Variants in SDK1 observed in about 807,000 individuals in gnomAD.
The protein encoded by SDK1 is protein sidekick-1.
Under a neutral mutation model 245.5 loss-of-function variants are expected in SDK1, and 157 were observed. The ratio of observed to expected loss-of-function variants is 0.64; its 90% CI spans 0.56 to 0.73. The LOEUF is 0.73. Ranked by LOEUF, SDK1 falls within the 30% of genes least tolerant of loss-of-function variation. SDK1 has a pLI of 0.00. For synonymous variants in SDK1, 1,647 were observed against 1,278.5 expected (o/e 1.29, Z -6.15); for missense variants, 3,583 against 3,002.3 (o/e 1.19, Z -4.52).
intron 4 of SDK1, among the ~76,000 whole-genome samples, chr7:3,700,573 T>C (rs1437685616): frequency 6.6e-6 from 1 of 152,050 alleles, no homozygotes; most frequent in East Asian, 1.9e-4. Flanking sequence ...ATGCCATAGG[T>C]ATGTCAAAAT....
At position 4,193,954 on chromosome 7, in the gene SDK1, C is replaced by G. The variant is rs144139783; in HGVS notation, c.5099-11925C>G. ...CTCACGAGCGGTGAATCAGGAGCGT[C>G]AAATGCATTTATTTTGCATAACTCT... On this transcript the variant is annotated intron_variant, in intron 35 of 44. Coordinates refer to ENST00000404826, the MANE Select transcript of SDK1 (RefSeq NM_152744.4). 7.5e-3 allele frequency among the ~76,000 whole-genome samples: 1,136 copies of G among 152,266 alleles called. 6 individuals carry two copies. Among genetic ancestry groups the G allele is most frequent in the Non-Finnish European group, 0.013 (853 of 68,008 alleles).
At chr7:3,672,477 AC>A (rs1317317119) in intron 4 of SDK1, among the ~76,000 whole-genome samples, 2 of 150,850 alleles carry the variant, frequency 1.3e-5, no homozygotes, top group Non-Finnish European at 2.9e-5. Context: ...GATAGGACAT[AC>A]AGGCAAAGAA....
intron 1 of SDK1, among the ~76,000 whole-genome samples, chr7:3,491,397 G>A (rs189883410): frequency 6.6e-6 from 1 of 152,332 alleles, no homozygotes. Context: ...CGATGTCAGT[G>A]TTTAGCCAAA....
At chr7:4,184,046 C>A (rs1782743005) in intron 35 of SDK1, among the ~76,000 whole-genome samples, 1 of 152,242 alleles carries the variant, frequency 6.6e-6, no homozygotes, top group Non-Finnish European at 1.5e-5. Context: ...GTTCGCCATT[C>A]CCTTTCTAGC....
intron 44 of SDK1, among the ~76,000 whole-genome samples, chr7:4,257,796 T>C (rs1787721332): frequency 6.6e-6 from 1 of 152,216 alleles, no homozygotes; most frequent in African/African-American, 2.4e-5. Context: ...CCTCCCAGCT[T>C]TCCTCCCCAG....
At chr7:3,443,894 A>G (rs543871971) in intron 1 of SDK1, among the ~76,000 whole-genome samples, 4 of 152,376 alleles carry the variant, frequency 2.6e-5, no homozygotes, top group Non-Finnish European at 5.9e-5. Flanking sequence ...ACAGCAGAAC[A>G]TGATGTCAAT....
intron 1 of SDK1, among the ~76,000 whole-genome samples, chr7:3,595,024 G>A (rs1294396955): frequency 6.6e-6 from 1 of 152,112 alleles, no homozygotes; most frequent in Non-Finnish European, 1.5e-5. Flanking sequence ...AACAAAAATG[G>A]GTGATTGGAA....
Position 4,063,157 on chromosome 7 carries a change from C to G in SDK1, c.2912-4681C>G, listed in dbSNP as rs138360630. Among the ~76,000 whole-genome samples, 7 of 152,276 alleles carry G rather than the reference C, an allele frequency of 4.6e-5. No homozygotes were observed. The East Asian group carries it at 1.3e-3, about 29-fold the overall frequency. ...GCATCTAAATTGGAAAAGAGGAAGT[C>G]AGATTGTTCTCTTTGCAGATGACAT... On this transcript the variant is annotated intron_variant, in intron 19 of 44. Transcript: ENST00000404826.
intron 31 of SDK1, among the ~76,000 whole-genome samples, chr7:4,160,374 G>GA (rs1314390911): frequency 6.6e-6 from 1 of 151,914 alleles, no homozygotes; most frequent in Non-Finnish European, 1.5e-5. Context: ...GACCATTTTT[G>GA]AAAAAAATAT....
At chr7:3,998,798 G>A (rs564398956) in intron 14 of SDK1, among the ~76,000 whole-genome samples, 2 of 152,172 alleles carry the variant, frequency 1.3e-5, no homozygotes, top group East Asian at 1.9e-4. Flanking sequence ...TGTCTTCCAC[G>A]TGGAGTTCCG....
intron 4 of SDK1, among the ~76,000 whole-genome samples, chr7:3,787,184 ACACT>A (rs1402959448): frequency 2.0e-3 from 298 of 151,216 alleles, no homozygotes; most frequent in African/African-American, 7.1e-3. Context: ...ACACACACAC[ACACT>A]CCCATACAGA....
Position 3,662,341 on chromosome 7 carries a change from T to C in SDK1, c.713+20236T>C, listed in dbSNP as rs184676445. Among the ~76,000 whole-genome samples, 376 of 152,284 alleles carry C rather than the reference T, an allele frequency of 2.5e-3. 3 individuals are homozygous for C. Among genetic ancestry groups the C allele is most frequent in the South Asian group, 0.018 (87 of 4,830 alleles). The stretch of plus-strand genomic sequence containing the variant: ...ACATCCTGTCTGGTTACACAAAAGA[T>C]GGAGCATGAGCATTTTTCACAGCTC... On this transcript the variant is annotated intron_variant, in intron 4 of 44. Transcript: ENST00000404826.
intron 17 of SDK1, among the ~76,000 whole-genome samples, chr7:4,031,583 A>G (rs938814747): frequency 6.6e-6 from 1 of 150,516 alleles, no homozygotes; most frequent in African/African-American, 2.4e-5. Flanking sequence ...ACACACTTAC[A>G]TATGTCAAGA....
intron 1 of SDK1, among the ~76,000 whole-genome samples, chr7:3,411,383 A>G (rs368113663): frequency 1.3e-5 from 2 of 152,226 alleles, no homozygotes; most frequent in African/African-American, 4.8e-5. Context: ...TTGACTACAC[A>G]TACAGTTATA....
chr7:3,384,475 T>A (rs1046708577), intron 1 of SDK1, among the ~76,000 whole-genome samples: 1 of 152,230 alleles, frequency 6.6e-6, no homozygotes, highest in African/African-American at 2.4e-5. Flanking sequence ...CAGTGTATAC[T>A]CACATACTGA....
chr7:4,232,407 C>CTTTT (rs201396862), intron 40 of SDK1, among the ~76,000 whole-genome samples: 2,760 of 72,680 alleles, frequency 0.038, 90 homozygotes, highest in Admixed American at 0.06. Flanking sequence ...CTTTTCTTTT[C>CTTTT]TTTCTTTTTT....
chr7:4,137,220 G>A (rs946829518), intron 28 of SDK1, among the ~76,000 whole-genome samples: 31 of 152,222 alleles, frequency 2.0e-4, no homozygotes, highest in Admixed American at 1.2e-3. Context: ...GCTTGAACCC[G>A]GGAGGCGGAG....
At chr7:4,028,877 G>T (rs796752202) in intron 17 of SDK1, among the ~76,000 whole-genome samples, 12 of 152,308 alleles carry the variant, frequency 7.9e-5, no homozygotes, top group African/African-American at 2.4e-4. Flanking sequence ...GGAGTGGAGA[G>T]GAAATACTTG....
rs897791109 is a variant in SDK1, at chr7:3,460,332, C to G, written c.298+158448C>G. ...AGAAATGAGTGAGAAGATTTAATTA[C>G]TGAATTATTAACTTTTAGGAGCTCC... On this transcript the variant is annotated intron_variant, in intron 1 of 44. Transcript: ENST00000404826. 5.9e-5 allele frequency among the ~76,000 whole-genome samples: 9 copies of G among 152,124 alleles called. 1 individual carries two copies. Among genetic ancestry groups the G allele is most frequent in the African/African-American group, 2.2e-4 (9 of 41,434 alleles).
Sources: allele counts gnomAD v4.1 joint callset (sites outside exome capture counted in the v4.1 genomes callset), GRCh38; gene constraint gnomAD v4.1.1; transcripts MANE v1.5; gene names NCBI Gene and HGNC (gene_info 2026-07-23, HGNC 2026-07-21).